The following MSI2 variants were observed in gnomAD, a reference collection of about 807,000 sequenced individuals.
The protein encoded by MSI2 is RNA-binding protein Musashi homolog 2.
MSI2 carries 17 observed loss-of-function variants against 45.6 expected under a neutral mutation model. The observed-to-expected ratio is 0.37, with a 90% confidence interval of 0.26 to 0.56. MSI2 has a LOEUF of 0.56. MSI2 is among the 20% of genes least tolerant of loss of function. The pLI, the probability that MSI2 is intolerant of heterozygous loss-of-function variation, is 0.77. For missense variants in MSI2, 293 were observed against 444.2 expected, an observed-to-expected ratio of 0.66 and a Z score of 3.06; for synonymous variants, 156 against 158.2, an observed-to-expected ratio of 0.99 and a Z score of 0.11.
intron 6 of MSI2, among the ~76,000 whole-genome samples, chr17:57,413,233 G>A (rs1025784606): frequency 5.9e-5 from 9 of 152,134 alleles, no homozygotes; most frequent in African/African-American, 2.2e-4. Context: ...CTGTGGGGGA[G>A]CTTACCACTC....
At chr17:57,608,310 G>T (rs959672003) in intron 8 of MSI2, 1 of 152,460 alleles carries the variant, frequency 6.6e-6, no homozygotes, top group Admixed American at 6.5e-5. Flanking sequence ...AAGAGCAACA[G>T]GATGGAATTG....
chr17:57,337,182 G>T, intron 5 of MSI2, among the ~76,000 whole-genome samples: 1 of 152,274 alleles, frequency 6.6e-6, no homozygotes, highest in East Asian at 1.9e-4. Context: ...TGAAGCTCAA[G>T]GAAGTTGATT....
intron 11 of MSI2, among the ~76,000 whole-genome samples, chr17:57,660,098 T>C (rs1398643344): frequency 2.6e-5 from 4 of 152,068 alleles, no homozygotes; most frequent in Non-Finnish European, 5.9e-5. Flanking sequence ...CATAGAAGAG[T>C]GGGCTTCGTG....
At chr17:57,664,561 T>G (rs1598506023) in intron 11 of MSI2, among the ~76,000 whole-genome samples, 1 of 147,702 alleles carries the variant, frequency 6.8e-6, no homozygotes, top group African/African-American at 2.5e-5. Context: ...GAGAAGTGAG[T>G]GGAGAGAAAG....
At chr17:57,693,681 C>T in the MSI2 span, among the ~76,000 whole-genome samples, 13 of 152,212 alleles carry the variant, frequency 8.5e-5, no homozygotes, top group African/African-American at 3.1e-4. Flanking sequence ...TATGTGATGG[C>T]TTCAACATCT....
At chr17:57,575,731 G>C (rs2088021316) in intron 7 of MSI2, among the ~76,000 whole-genome samples, 1 of 151,808 alleles carries the variant, frequency 6.6e-6, no homozygotes, top group South Asian at 2.1e-4. Flanking sequence ...GGATCACGAG[G>C]TCAGGAGATC....
At chr17:57,450,522 T>TA (rs2084996257) in intron 6 of MSI2, among the ~76,000 whole-genome samples, 1 of 151,672 alleles carries the variant, frequency 6.6e-6, no homozygotes, top group African/African-American at 2.4e-5. Context: ...ATATAAAAAT[T>TA]ATCCAGGCGT....
chr17:57,436,120 G>A (rs1303956232), intron 6 of MSI2, among the ~76,000 whole-genome samples: 1 of 152,214 alleles, frequency 6.6e-6, no homozygotes, highest in East Asian at 1.9e-4. Flanking sequence ...TGTGGAAGCG[G>A]GTATCACTGT....
chr17:57,506,565 C>T (rs1014791691), intron 6 of MSI2, among the ~76,000 whole-genome samples: 1 of 152,180 alleles, frequency 6.6e-6, no homozygotes, highest in South Asian at 2.1e-4. Flanking sequence ...TCACCGTCCC[C>T]GAGAACAGCC....
chr17:57,535,520 T>C (rs756795418), intron 7 of MSI2, among the ~76,000 whole-genome samples: 2 of 152,166 alleles, frequency 1.3e-5, no homozygotes, highest in Non-Finnish European at 2.9e-5. Flanking sequence ...AAATAAAGAT[T>C]AGTGTGATGG....
At chr17:57,625,701 T>G (rs954906493) in intron 9 of MSI2, 12 of 152,234 alleles carry the variant, frequency 7.9e-5, no homozygotes, top group Admixed American at 7.2e-4. Context: ...TGCCAGTGTT[T>G]TGATAACAAG....
Position 57,481,329 on chromosome 17 carries a change from A to G in MSI2, c.406-48347A>G, listed in dbSNP as rs184648697. Among the ~76,000 whole-genome samples the G allele has an allele frequency of 9.8e-5, 15 of 152,338 alleles. No homozygotes were observed. The East Asian group carries it at 2.7e-3, about 27-fold the overall frequency. ...TCTGTAACCTATTCCACCCAAATAA[A>G]TAAGTCAGCAAATAAGTCTGCTTTC... On this transcript the variant is annotated intron_variant, in intron 6 of 13. Transcript: ENST00000284073.
In MSI2 at chr17:57,652,970, C is replaced by T. The variant is rs1389214949; in HGVS notation, c.790+809C>T. ...GGGCTTCTGCTGTGCCCTGGGCTCC[C>T]TCCCCACCCCTGCTCCCTGAACTGA... is the stretch of plus-strand genomic sequence containing the variant. On this transcript the variant is annotated intron_variant, in intron 11 of 13. Coordinates refer to ENST00000284073, the MANE Select transcript of MSI2 (RefSeq NM_138962.4). The surrounding 1 kb of genome is among the most constrained non-coding windows in gnomAD (Gnocchi z 4.1). 6.6e-6 allele frequency among the ~76,000 whole-genome samples: 1 copy of T among 152,206 alleles called. No homozygotes were observed. The highest frequency in any genetic ancestry group is 1.5e-5 in the Non-Finnish European group (1 of 68,032).
chr17:57,292,578 T>TGG (rs36112733), intron 5 of MSI2, among the ~76,000 whole-genome samples: 2 of 152,014 alleles, frequency 1.3e-5, no homozygotes, highest in Non-Finnish European at 2.9e-5. Context: ...TGGAGGTTGG[T>TGG]GGGGGGTCCC....
intron 7 of MSI2, among the ~76,000 whole-genome samples, chr17:57,540,404 T>A (rs1169323433): frequency 6.6e-6 from 1 of 152,024 alleles, no homozygotes; most frequent in Admixed American, 6.6e-5. Context: ...CCTTGAAGGG[T>A]GTTGTGGGCT....
At chr17:57,594,324 G>T (rs1382893445) in intron 7 of MSI2, among the ~76,000 whole-genome samples, 1 of 152,144 alleles carries the variant, frequency 6.6e-6, no homozygotes, top group Non-Finnish European at 1.5e-5. Context: ...GGGTGGGGCT[G>T]GGGGAAGGGG....
chr17:57,326,785 C>T (rs1170051341), intron 5 of MSI2, among the ~76,000 whole-genome samples: 3 of 152,186 alleles, frequency 2.0e-5, no homozygotes, highest in African/African-American at 7.2e-5. Flanking sequence ...AGTAGCTTGC[C>T]TGGGGTCATG....
chr17:57,559,873 C>T (rs965995143), intron 7 of MSI2, among the ~76,000 whole-genome samples: 5 of 152,230 alleles, frequency 3.3e-5, no homozygotes, highest in Non-Finnish European at 5.9e-5. Context: ...CCTGCAGAGG[C>T]AGGGCTTCAT....
chr17:57,556,425 G>A (rs1240039028), intron 7 of MSI2, among the ~76,000 whole-genome samples: 1 of 152,228 alleles, frequency 6.6e-6, no homozygotes, highest in African/African-American at 2.4e-5. Flanking sequence ...TGAGACATCA[G>A]TTAGAAATGT....
Sources: allele counts gnomAD v4.1 joint callset (sites outside exome capture counted in the v4.1 genomes callset), GRCh38; gene constraint gnomAD v4.1.1; non-coding constraint Gnocchi (gnomAD v3.1); transcripts MANE v1.5; gene names NCBI Gene and HGNC (gene_info 2026-07-23, HGNC 2026-07-21).